Variants in TRERF1 observed in about 807,000 individuals in gnomAD.
TRERF1 encodes transcriptional-regulating factor 1.
In TRERF1, 27 loss-of-function variants were observed where a neutral mutation model predicts 122.9. The observed-to-expected ratio is 0.22, with a 90% CI of 0.16 to 0.30. The LOEUF is 0.30. Ranked by LOEUF, TRERF1 falls within the 10% of genes least tolerant of loss-of-function variation. The pLI is 1.00. For synonymous variants in TRERF1, 636 were observed against 641.7 expected (o/e 0.99, Z 0.13); for missense variants, 1,248 against 1,560.3 (o/e 0.80, Z 3.37).
intron 2 of TRERF1, among the ~76,000 whole-genome samples, chr6:42,443,256 T>C (rs1294107022): frequency 6.6e-6 from 1 of 152,250 alleles, no homozygotes; most frequent in African/African-American, 2.4e-5. Flanking sequence ...GAGAGTTCAT[T>C]ATACTAGCCT....
At chr6:42,358,552 G>A (rs2150917791) in intron 3 of TRERF1, among the ~76,000 whole-genome samples, 1 of 152,304 alleles carries the variant, frequency 6.6e-6, no homozygotes, top group East Asian at 1.9e-4. Context: ...CTCCCTTGGT[G>A]GAGTTTTCAC....
intron 2 of TRERF1, among the ~76,000 whole-genome samples, chr6:42,406,429 A>G (rs1357757567): frequency 6.6e-6 from 1 of 152,200 alleles, no homozygotes; most frequent in Non-Finnish European, 1.5e-5. Flanking sequence ...GAAGGACCAC[A>G]GGCAGAGCAG....
At chr6:42,280,187 A>G (rs531915860) in intron 4 of TRERF1, among the ~76,000 whole-genome samples, 2 of 152,162 alleles carry the variant, frequency 1.3e-5, no homozygotes, top group Admixed American at 6.5e-5. Context: ...GGGGGCTCGG[A>G]CAAGCCACAG....
chr6:42,373,519 T>A (rs1774172409), intron 2 of TRERF1, among the ~76,000 whole-genome samples: 1 of 151,546 alleles, frequency 6.6e-6, no homozygotes, highest in Non-Finnish European at 1.5e-5. Context: ...TACAAAAAAT[T>A]AGCTGGGTGT....
In TRERF1 at chr6:42,384,703, G is replaced by T. The variant is rs555247457; in HGVS notation, c.-453-21624C>A. On this transcript the variant is annotated intron_variant, in intron 2 of 17. Transcript: ENST00000372922. ...CACCATGTGTGCATGCATGCAACAC[G>T]CATTATAGTCAGCTACAATTTTAAA... is the stretch of plus-strand genomic sequence containing the variant. Among the ~76,000 whole-genome samples the T allele has an allele frequency of 3.9e-5, 6 of 152,264 alleles. No individual in the cohort carries two copies. In the East Asian group the frequency reaches 1.2e-3, roughly 29 times the overall value.
At chr6:42,423,416 C>T (rs1471917467) in intron 2 of TRERF1, among the ~76,000 whole-genome samples, 1 of 152,182 alleles carries the variant, frequency 6.6e-6, no homozygotes, top group Admixed American at 6.5e-5. Flanking sequence ...GCTTGCTAAC[C>T]CTGGAACCAA....
chr6:42,343,114 TC>T (rs1346161767), intron 3 of TRERF1, among the ~76,000 whole-genome samples: 3 of 152,134 alleles, frequency 2.0e-5, no homozygotes, highest in African/African-American at 7.2e-5. Context: ...GAGCCACAAC[TC>T]CATCCATCTG....
rs1023035746 is a variant in TRERF1, at chr6:42,414,718, G to A, written c.-454+36459C>T. On this transcript the variant is annotated intron_variant, in intron 2 of 17. Transcript: ENST00000372922. ...AGCCACATTATGTGCAATGCACTCCGTTATCTTCTATTCTTTTGTTTCACA... is the reference window on the plus strand; with the variant it reads ...AGCCACATTATGTGCAATGCACTCCATTATCTTCTATTCTTTTGTTTCACA... Among the ~76,000 whole-genome samples the A allele has an allele frequency of 2.0e-4, 30 of 152,136 alleles. No homozygotes were observed. The East Asian group carries it at 2.5e-3, about 13-fold the overall frequency.
intron 2 of TRERF1, among the ~76,000 whole-genome samples, chr6:42,444,178 CTT>C (rs201969394): frequency 8.2e-5 from 11 of 133,840 alleles, no homozygotes; most frequent in Non-Finnish European, 9.4e-5. Flanking sequence ...GCAGCCTTTG[CTT>C]TTTTTTTTTT....
Position 42,405,804 on chromosome 6 carries a change from A to T in TRERF1, c.-453-42725T>A, listed in dbSNP as rs1780096143. The stretch of plus-strand genomic sequence containing the variant: ...AGCCAGACCTTGTCTCAAAAAAAAA[A>T]AAATTAAAAAAATTAAAAAAAATAA... On this transcript the variant is annotated intron_variant, in intron 2 of 17. Coordinates refer to ENST00000372922, the Ensembl canonical transcript of TRERF1. Among the ~76,000 whole-genome samples the T allele has an allele frequency of 2.0e-5, 3 of 150,246 alleles. No individual in the cohort carries two copies. In the South Asian group the frequency reaches 6.3e-4, roughly 31 times the overall value.
At chr6:42,256,975 G>A (rs1188614554) in exon 11 of TRERF1, 2 of 1,614,082 alleles carry the variant, frequency 1.2e-6, no homozygotes, top group Non-Finnish European at 1.7e-6. Flanking sequence ...CTTTGCTGGA[G>A]GTCATGGTTT....
At chr6:42,302,974 G>T (rs7764477) in intron 3 of TRERF1, among the ~76,000 whole-genome samples, 7,607 of 152,272 alleles carry the variant, frequency 0.05, 386 homozygotes, top group African/African-American at 0.11. Context: ...CAGGCATGGA[G>T]CTAGACTCAG....
intron 4 of TRERF1, among the ~76,000 whole-genome samples, chr6:42,288,429 G>A (rs551949605): frequency 2.3e-4 from 35 of 152,150 alleles, no homozygotes; most frequent in African/African-American, 7.5e-4. Context: ...TTAGCCGGGC[G>A]TGCTGGCACT....
Position 42,263,514 on chromosome 6 carries a change from G to T in TRERF1, c.1690C>A (p.Pro564Thr). The change falls in exon 8 of 18, where the codon CCT becomes ACT. Residue 564 changes from proline (P) to threonine (T), a missense_variant. Physicochemically the swap from Pro to Thr is conservative, Grantham distance 38. Coordinates refer to ENST00000372922, the Ensembl canonical transcript of TRERF1. This position sits in a 1 kb window ranked among gnomAD's most constrained non-coding sequence, Gnocchi z 5.6. ...AGCTGTGGTGGCGGCGGAGGCGGAG[G>T]CGGAGGCGGCAGTGGTGGCTGGGGC... 6.4e-7 allele frequency: 1 copy of T among 1,569,014 alleles called. No individual in the cohort carries two copies. Among genetic ancestry groups the T allele is most frequent in the Non-Finnish European group, 8.7e-7 (1 of 1,155,214 alleles).
intron 3 of TRERF1, among the ~76,000 whole-genome samples, chr6:42,334,469 T>C (rs1765791119): frequency 1.3e-5 from 2 of 152,214 alleles, no homozygotes; most frequent in Admixed American, 6.5e-5. Context: ...CAAGAAAGAA[T>C]TGCTTGTATA....
chr6:42,411,995 A>C (rs1781160601), intron 2 of TRERF1, among the ~76,000 whole-genome samples: 1 of 130,724 alleles, frequency 7.6e-6, no homozygotes, highest in Non-Finnish European at 1.6e-5. Flanking sequence ...TTTTTTTAAA[A>C]AATCCTTTTT....
At chr6:42,249,198 T>C (rs1034656966) in intron 13 of TRERF1, among the ~76,000 whole-genome samples, 1 of 152,154 alleles carries the variant, frequency 6.6e-6, no homozygotes, top group Non-Finnish European at 1.5e-5. Context: ...GACATTTTGC[T>C]GATGAAACCC....
chr6:42,285,282 T>TTGTC (rs1440953120), intron 4 of TRERF1, among the ~76,000 whole-genome samples: 40 of 152,286 alleles, frequency 2.6e-4, no homozygotes, highest in African/African-American at 9.1e-4. Context: ...GGCTCTCTGT[T>TTGTC]TGTCTGTTGT....
At chr6:42,400,123 C>T (rs1040332440) in intron 2 of TRERF1, among the ~76,000 whole-genome samples, 4 of 152,204 alleles carry the variant, frequency 2.6e-5, no homozygotes, top group Admixed American at 6.5e-5. Context: ...TGGATCCAGT[C>T]GTCTCCAAAG....
Sources: gnomAD v4.1 joint callset for allele counts (sites outside exome capture counted in the v4.1 genomes callset) on GRCh38, gnomAD v4.1.1 for gene constraint, Gnocchi (gnomAD v3.1) non-coding constraint, MANE v1.5 for transcripts, NCBI Gene and HGNC (gene_info 2026-07-23, HGNC 2026-07-21) for gene names.